ROBO1: variants seen among roughly 807,000 people sequenced by gnomAD.
ROBO1 encodes the protein roundabout guidance receptor 1.
Under a neutral mutation model 195.9 loss-of-function variants are expected in ROBO1, and 149 were observed. The ratio of observed to expected loss-of-function variants is 0.76; its 90% CI spans 0.67 to 0.87. The LOEUF (loss-of-function observed/expected upper bound fraction) is 0.87, where lower values mean the gene tolerates loss of function less well. Ranked by LOEUF, ROBO1 falls within the 40% of genes least tolerant of loss-of-function variation. The probability of loss-of-function intolerance (pLI) is 0.00; values close to 1 mark genes in which losing one functional copy is unlikely to be tolerated. For missense variants in ROBO1, 1,933 were observed against 2,068.3 expected (o/e 0.93, Z 1.27); for synonymous variants, 816 against 733.2 (o/e 1.11, Z -1.82).
intron 18 of ROBO1, among the ~76,000 whole-genome samples, chr3:78,655,390 C>T (rs1344090630): frequency 6.6e-6 from 1 of 152,114 alleles, no homozygotes; most frequent in Non-Finnish European, 1.5e-5. Context: ...ATGTCTAGAC[C>T]TGTACCACTG....
chr3:79,524,186 T>TGA (rs1941334047), intron 2 of ROBO1, among the ~76,000 whole-genome samples: 1 of 148,100 alleles, frequency 6.8e-6, no homozygotes, highest in South Asian at 2.1e-4. Context: ...TGTGTGTGTG[T>TGA]GACAGAGACA....
At chr3:79,507,516 T>C (rs1419990879) in intron 2 of ROBO1, among the ~76,000 whole-genome samples, 1 of 152,216 alleles carries the variant, frequency 6.6e-6, no homozygotes, top group Non-Finnish European at 1.5e-5. Flanking sequence ...TCCTTTGTTT[T>C]GGGAATGAGA....
At chr3:79,656,814 T>C (rs776966143) in intron 1 of ROBO1, among the ~76,000 whole-genome samples, 1 of 152,034 alleles carries the variant, frequency 6.6e-6, no homozygotes, top group Admixed American at 6.6e-5. Context: ...GGAGGTTCAC[T>C]TGAGCCCAGG....
intron 2 of ROBO1, among the ~76,000 whole-genome samples, chr3:79,283,743 G>A (rs181906805): frequency 0.043 from 6,471 of 150,634 alleles, 256 homozygotes; most frequent in African/African-American, 0.11. Context: ...TGTCGCCCAG[G>A]CTGGAGTGCA....
intron 2 of ROBO1, among the ~76,000 whole-genome samples, chr3:79,381,100 C>T (rs969794576): frequency 2.6e-5 from 4 of 151,888 alleles, no homozygotes; most frequent in Non-Finnish European, 5.9e-5. Flanking sequence ...GGCTCACGCC[C>T]GTAATCCCAG....
intron 2 of ROBO1, among the ~76,000 whole-genome samples, chr3:79,368,884 TGAAA>T (rs1327943855): frequency 1.3e-5 from 2 of 152,176 alleles, no homozygotes; most frequent in Non-Finnish European, 2.9e-5. Context: ...TTTTACATGA[TGAAA>T]GAGTTTTTCA....
At chr3:79,730,426 G>A (rs1703096361) in intron 1 of ROBO1, among the ~76,000 whole-genome samples, 3 of 151,978 alleles carry the variant, frequency 2.0e-5, no homozygotes, top group African/African-American at 4.8e-5. Flanking sequence ...TGATATATAT[G>A]ATCAAAATTA....
At chr3:79,103,858 A>C (rs903982147) in intron 3 of ROBO1, among the ~76,000 whole-genome samples, 4 of 151,780 alleles carry the variant, frequency 2.6e-5, no homozygotes. Flanking sequence ...ATTTTATATA[A>C]GGCATTTGGC....
At chr3:79,679,308 A>T (rs1282707311) in intron 1 of ROBO1, among the ~76,000 whole-genome samples, 1 of 151,888 alleles carries the variant, frequency 6.6e-6, no homozygotes, top group African/African-American at 2.4e-5. Flanking sequence ...TAGCTCCCTC[A>T]TTTCTTTATG....
At chr3:79,737,042 T>C (rs889422813) in intron 1 of ROBO1, among the ~76,000 whole-genome samples, 3 of 152,210 alleles carry the variant, frequency 2.0e-5, no homozygotes, top group African/African-American at 7.2e-5. Context: ...TAATGGCTCT[T>C]ACAGTACATC....
chr3:79,380,031 C>G (rs887846150), intron 2 of ROBO1, among the ~76,000 whole-genome samples: 1 of 152,196 alleles, frequency 6.6e-6, no homozygotes, highest in African/African-American at 2.4e-5. Flanking sequence ...ATAATGTGTT[C>G]CTACTTCTTT....
rs536271261 is a variant in ROBO1, at chr3:78,851,198, C to A, written c.499+87403G>T. ...AACTATAAGGTAGAAAACACAATTGCAGAAGATTCTAGAAGATAAACAGGA... is the reference window on the plus strand; with the variant it reads ...AACTATAAGGTAGAAAACACAATTGAAGAAGATTCTAGAAGATAAACAGGA... On this transcript the variant is annotated intron_variant, in intron 4 of 30. Coordinates refer to ENST00000464233, the MANE Select transcript of ROBO1 (RefSeq NM_002941.4). Among the ~76,000 whole-genome samples the A allele has an allele frequency of 1.2e-4, 18 of 152,240 alleles. No homozygotes were observed. The East Asian group carries it at 2.5e-3, about 21-fold the overall frequency.
intron 3 of ROBO1, among the ~76,000 whole-genome samples, chr3:79,021,895 A>C (rs897251245): frequency 1.3e-5 from 2 of 152,072 alleles, no homozygotes; most frequent in East Asian, 1.9e-4. Context: ...CTCCTGACCT[A>C]GTGATGCACC....
chr3:79,316,301 G>T (rs1006813535), intron 2 of ROBO1, among the ~76,000 whole-genome samples: 3 of 152,066 alleles, frequency 2.0e-5, no homozygotes, highest in Non-Finnish European at 4.4e-5. Context: ...TTTAAGGAGG[G>T]TGGCTAAAAG....
intron 4 of ROBO1, among the ~76,000 whole-genome samples, chr3:78,879,330 G>A (rs2036042117): frequency 6.6e-6 from 1 of 152,104 alleles, no homozygotes; most frequent in South Asian, 2.1e-4. Context: ...GTGACAGGGA[G>A]CATGTGTATG....
At chr3:78,883,407 G>A (rs1247039553) in intron 4 of ROBO1, among the ~76,000 whole-genome samples, 3 of 151,278 alleles carry the variant, frequency 2.0e-5, no homozygotes, top group Admixed American at 6.6e-5. Context: ...TTATAAACAG[G>A]CTCTCACTCT....
chr3:79,641,206 AT>A (rs1027008128), intron 1 of ROBO1, among the ~76,000 whole-genome samples: 3 of 151,898 alleles, frequency 2.0e-5, no homozygotes, highest in African/African-American at 7.3e-5. Flanking sequence ...TTAGACATTT[AT>A]TTTTCCTGCC....
At chr3:78,616,782 T>C (rs545439715) in intron 27 of ROBO1, among the ~76,000 whole-genome samples, 2 of 152,174 alleles carry the variant, frequency 1.3e-5, no homozygotes, top group Non-Finnish European at 2.9e-5. Flanking sequence ...GGAATGTATA[T>C]ATTAATTCTA....
At chr3:79,279,869 T>A (rs921122247) in intron 2 of ROBO1, among the ~76,000 whole-genome samples, 2 of 151,414 alleles carry the variant, frequency 1.3e-5, no homozygotes, top group Non-Finnish European at 2.9e-5. Flanking sequence ...GAATGAATAA[T>A]GAAAATGTGA....
Sources: allele counts gnomAD v4.1 joint callset (sites outside exome capture counted in the v4.1 genomes callset), GRCh38; gene constraint gnomAD v4.1.1; transcripts MANE v1.5; gene names NCBI Gene and HGNC (gene_info 2026-07-23, HGNC 2026-07-21).